The following TRIP11 variants were observed in gnomAD, a reference collection of about 807,000 sequenced individuals.
TRIP11 encodes the protein thyroid hormone receptor interactor 11.
Under a neutral mutation model 223.1 loss-of-function variants are expected in TRIP11, and 148 were observed. The observed-to-expected ratio is 0.66, with a 90% CI of 0.58 to 0.76. The LOEUF (loss-of-function observed/expected upper bound fraction) is 0.76. Among genes scored for constraint, TRIP11 ranks in the 30% least tolerant of loss-of-function variants. TRIP11 has a pLI of 0.00. For missense variants in TRIP11, 2,043 were observed against 2,222.0 expected (o/e 0.92, Z 1.62); for synonymous variants, 762 against 772.6 (o/e 0.99, Z 0.23).
chr14:92,025,756 C>T (rs1263150145), intron 2 of TRIP11, among the ~76,000 whole-genome samples: 4 of 151,650 alleles, frequency 2.6e-5, no homozygotes, highest in African/African-American at 7.3e-5. Context: ...GGCGTGTGCC[C>T]GTAATCCCAG....
At position 92,021,554 on chromosome 14, in the gene TRIP11, A is replaced by T; in HGVS notation, c.588+2T>A. The T allele has an allele frequency of 6.2e-7, 1 of 1,614,114 alleles. No homozygotes were observed. The highest frequency in any genetic ancestry group is 8.5e-7 in the Non-Finnish European group (1 of 1,180,020). On this transcript the variant is annotated splice_donor_variant, in intron 4 of 20. Transcript: ENST00000267622. LOFTEE classifies it high-confidence loss of function. ...CAAAAACTCTAAAAAATTTTTATCT[A>T]CCTGAGCAATATGCCTCCAATGGCC... is the stretch of plus-strand genomic sequence containing the variant.
chr14:92,029,401 T>G (rs760474055), intron 2 of TRIP11, among the ~76,000 whole-genome samples: 3 of 144,644 alleles, frequency 2.1e-5, no homozygotes, highest in Non-Finnish European at 4.5e-5. Context: ...GTTCAAGCAA[T>G]TCTCCTGCCT....
chr14:92,020,091 T>C (rs1458381919), intron 4 of TRIP11, among the ~76,000 whole-genome samples: 2 of 151,594 alleles, frequency 1.3e-5, no homozygotes, highest in African/African-American at 2.4e-5. Flanking sequence ...CTACTAAAAG[T>C]ACAAAAAAAC....
chr14:91,973,749 G>A (rs1008181055), intron 19 of TRIP11, among the ~76,000 whole-genome samples: 1 of 152,080 alleles, frequency 6.6e-6, no homozygotes, highest in Non-Finnish European at 1.5e-5. Context: ...AAGAGAGGCC[G>A]GGCACAGTGG....
intron 16 of TRIP11, among the ~76,000 whole-genome samples, chr14:91,979,324 ACAAAG>A (rs1235302628): frequency 6.6e-6 from 1 of 152,014 alleles, no homozygotes; most frequent in Non-Finnish European, 1.5e-5. Context: ...AGTAAAATTC[ACAAAG>A]CAGAGCTGAG....
chr14:92,035,733 A>G (rs895882544), intron 1 of TRIP11, among the ~76,000 whole-genome samples: 1 of 151,836 alleles, frequency 6.6e-6, no homozygotes, highest in Non-Finnish European at 1.5e-5. Context: ...CTGCGCCACC[A>G]TGCCCGGCTA....
intron 6 of TRIP11, among the ~76,000 whole-genome samples, 168 bp downstream of exon 6, chr14:92,015,528 A>G (rs2057024668): frequency 6.6e-6 from 1 of 151,948 alleles, no homozygotes; most frequent in Admixed American, 6.6e-5. Flanking sequence ...GCATGGTGGC[A>G]GGCACCTGTA....
In TRIP11 at chr14:92,003,529, G is replaced by A; in HGVS notation, c.4447C>T (p.Gln1483Ter). ...RGKETEYQAL[Q>*]ETNMKFSMML... ...ATAGAAAACTTCATGTTAGTCTCTT[G>A]TAACGCTTGATATTCTGTTTCCTTT... The change falls in exon 11 of 21, where the codon CAA becomes TAA. Residue 1483 changes from glutamine to a stop codon, truncating the protein, a stop_gained. Transcript: ENST00000267622. LOFTEE classifies it high-confidence loss of function. 1 of 1,614,068 alleles carries A rather than the reference G, an allele frequency of 6.2e-7. No individual in the cohort carries two copies. The highest frequency in any genetic ancestry group is 8.5e-7 in the Non-Finnish European group (1 of 1,180,008).
chr14:92,021,630 G>A lies in TRIP11; in HGVS notation c.514C>T (p.Gln172Ter). 1.2e-6 allele frequency: 2 copies of A among 1,613,402 alleles called. No individual in the cohort carries two copies. The highest frequency in any genetic ancestry group is 1.7e-6 in the Non-Finnish European group (2 of 1,179,614). The change falls in exon 4 of 21, where the codon CAA becomes TAA. Residue 172 changes from glutamine to a stop codon, truncating the protein, a stop_gained. Coordinates refer to ENST00000267622, the MANE Select transcript of TRIP11 (RefSeq NM_004239.4). LOFTEE classifies it high-confidence loss of function. ...MDFGDIISSQQEINRLSNEVS... is the reference protein window; with the variant it reads ...MDFGDIISSQ ...TCATTTGAGAGTCGGTTTATTTCTT[G>A]TTGGGATGAAATTATATCACCAAAG...
chr14:92,013,832 C>T (rs78028496), intron 7 of TRIP11, among the ~76,000 whole-genome samples: 3,758 of 152,216 alleles, frequency 0.025, 161 homozygotes, highest in African/African-American at 0.084. Flanking sequence ...GGTACAGTAA[C>T]TAAATATCAT....
intron 1 of TRIP11, among the ~76,000 whole-genome samples, chr14:92,033,942 G>T (rs902200667): frequency 1.3e-5 from 2 of 152,180 alleles, no homozygotes; most frequent in African/African-American, 4.8e-5. Context: ...AAAGGAATGT[G>T]CTTTCTAAGG....
At chr14:92,034,272 A>C (rs2057299632) in intron 1 of TRIP11, among the ~76,000 whole-genome samples, 1 of 151,992 alleles carries the variant, frequency 6.6e-6, no homozygotes, top group African/African-American at 2.4e-5. Context: ...AAAATACAAA[A>C]ATTAGCCGGG....
At position 91,968,329 on chromosome 14, in the gene TRIP11, C is replaced by T. The variant is rs1435897667; in HGVS notation, c.*1344G>A. 12 of 204,210 alleles carry T rather than the reference C, an allele frequency of 5.9e-5. No individual in the cohort carries two copies. Among genetic ancestry groups the T allele is most frequent in the Non-Finnish European group, 9.9e-5 (10 of 100,504 alleles). The allele number at this position is 204,210 out of a possible 1,614,324, so 12.6% of individuals were successfully genotyped here. Reference sequence around the variant, plus strand: ...ATCCAGATACAGTTAAGTTTCAAGTCGGGATTTTTTTTTTATGATGGGTTT... The same window carrying T: ...ATCCAGATACAGTTAAGTTTCAAGTTGGGATTTTTTTTTTATGATGGGTTT... On this transcript the variant is annotated 3_prime_UTR_variant, in exon 21 of 21. Coordinates refer to ENST00000267622, the MANE Select transcript of TRIP11 (RefSeq NM_004239.4).
rs201718152 is a variant in TRIP11 at position 92,006,446 on chromosome 14, G to A, written c.1530C>T (p.His510=). 5.0e-5 allele frequency: 80 copies of A among 1,611,878 alleles called. No homozygotes were observed. The East Asian group carries it at 1.8e-3, about 36-fold the overall frequency. The change falls in exon 11 of 21, where the codon CAC becomes CAT. Residue 510 remains histidine, a splice_region_variant and synonymous_variant. Coordinates refer to ENST00000267622, the MANE Select transcript of TRIP11 (RefSeq NM_004239.4). ...LDRQNQEATK[H]MILIKDQLSK... Reference sequence around the variant, plus strand: ...ATAGCTGATCTTTTATCAAAATCATGTGCTGAAAGAAAAATTTGCATGGTG... The same window carrying A: ...ATAGCTGATCTTTTATCAAAATCATATGCTGAAAGAAAAATTTGCATGGTG...
rs78426486 is a variant in TRIP11 at position 92,006,593 on chromosome 14, A to G, written c.1528-145T>C. On this transcript the variant is annotated intron_variant, in intron 10 of 20. Coordinates refer to ENST00000267622, the MANE Select transcript of TRIP11 (RefSeq NM_004239.4). ...AAAACATTGTTTTTCTATCAAAAAC[A>G]CCCACTACAAAATTACTTATTATTA... is the stretch of plus-strand genomic sequence containing the variant. The G allele has an allele frequency of 0.11, 102,581 of 901,088 alleles. 7,865 individuals carry two copies. The highest frequency in any genetic ancestry group is 0.3 in the African/African-American group (17,718 of 58,948). 55.8% of individuals were successfully genotyped at this position (901,088 alleles called of 1,614,324 possible).
intron 6 of TRIP11, among the ~76,000 whole-genome samples, chr14:92,015,011 C>T (rs1290766652): frequency 6.6e-6 from 1 of 151,882 alleles, no homozygotes; most frequent in Non-Finnish European, 1.5e-5. Flanking sequence ...TCAAGTGATC[C>T]TCCCACCTCA....
chr14:91,968,244 A>C lies in TRIP11; in HGVS notation c.*1429T>G, dbSNP rs1021622571. 1 of 203,806 alleles carries C rather than the reference A, an allele frequency of 4.9e-6. No individual in the cohort carries two copies. Among genetic ancestry groups the C allele is most frequent in the African/African-American group, 2.3e-5 (1 of 43,758 alleles). The allele number at this position is 203,806 out of a possible 1,614,324, so 12.6% of individuals were successfully genotyped here. The stretch of plus-strand genomic sequence containing the variant: ...ATTTTAAAAGCATATAGAAATTTAC[A>C]AAATTTGCAAGAAATATCTTTTTAA... On this transcript the variant is annotated 3_prime_UTR_variant, in exon 21 of 21. Coordinates refer to ENST00000267622, the MANE Select transcript of TRIP11 (RefSeq NM_004239.4).
chr14:91,971,226 G>C (rs971367463), intron 20 of TRIP11, among the ~76,000 whole-genome samples: 5 of 152,124 alleles, frequency 3.3e-5, no homozygotes, highest in African/African-American at 9.7e-5. Context: ...AAATAAAAAA[G>C]ACCTCCTAAA....
intron 16 of TRIP11, among the ~76,000 whole-genome samples, chr14:91,977,771 G>A (rs2056486257): frequency 6.6e-6 from 1 of 152,030 alleles, no homozygotes; most frequent in Non-Finnish European, 1.5e-5. Context: ...TCTGTACAAT[G>A]CTTCTGCACA....
Sources: gnomAD v4.1 joint callset for allele counts (sites outside exome capture counted in the v4.1 genomes callset) on GRCh38, gnomAD v4.1.1 for gene constraint, MANE v1.5 for transcripts, NCBI Gene and HGNC (gene_info 2026-07-23, HGNC 2026-07-21) for gene names.